Variants in SRPK2 observed in about 807,000 individuals in gnomAD.
SRPK2 encodes the protein SRSF protein kinase 2, also known as SFRS protein kinase 2.
A neutral mutation model predicts 90.8 loss-of-function variants in SRPK2; 21 were observed. That is an observed-to-expected ratio of 0.23 (90% CI 0.16 to 0.33). The LOEUF is 0.33. Among genes scored for constraint, SRPK2 ranks in the 10% least tolerant of loss-of-function variants. SRPK2 has a pLI of 1.00. For synonymous variants in SRPK2, 288 were observed against 311.1 expected, an observed-to-expected ratio of 0.93 and a Z score of 0.78; for missense variants, 620 against 869.0, an observed-to-expected ratio of 0.71 and a Z score of 3.60.
At chr7:105,291,174 G>A (rs989090930) in intron 2 of SRPK2, among the ~76,000 whole-genome samples, 8 of 152,080 alleles carry the variant, frequency 5.3e-5, no homozygotes, top group African/African-American at 1.4e-4. Context: ...GACTTAAGTC[G>A]GTACTGGTAA....
intron 2 of SRPK2, among the ~76,000 whole-genome samples, chr7:105,340,262 T>C (rs747351844): frequency 2.1e-5 from 2 of 95,696 alleles, no homozygotes; most frequent in African/African-American, 6.3e-5. Context: ...ATACAATGAC[T>C]ATTTCAAGAA....
chr7:105,388,083 G>C (rs1156805239), intron 2 of SRPK2, among the ~76,000 whole-genome samples: 1 of 152,182 alleles, frequency 6.6e-6, no homozygotes, highest in Non-Finnish European at 1.5e-5. Flanking sequence ...CTCGCGCCAG[G>C]AACACGCCCG....
intron 3 of SRPK2, among the ~76,000 whole-genome samples, chr7:105,173,019 TAAC>T (rs1791352170): frequency 1.3e-5 from 2 of 152,294 alleles, no homozygotes; most frequent in South Asian, 2.1e-4. Context: ...CTTTGAAAGC[TAAC>T]AACAACAAAA....
At chr7:105,359,093 G>A (rs1818130831) in intron 2 of SRPK2, among the ~76,000 whole-genome samples, 1 of 150,124 alleles carries the variant, frequency 6.7e-6, no homozygotes, top group African/African-American at 2.4e-5. Context: ...CAACACTGGG[G>A]TATCAAATTT....
intron 2 of SRPK2, among the ~76,000 whole-genome samples, chr7:105,317,702 TAAAG>T (rs1359381799): frequency 6.6e-6 from 1 of 152,230 alleles, no homozygotes; most frequent in East Asian, 1.9e-4. Context: ...AGCCAGACAT[TAAAG>T]AAATTTTCAA....
chr7:105,344,750 C>G (rs1816255439), intron 2 of SRPK2, among the ~76,000 whole-genome samples: 2 of 142,612 alleles, frequency 1.4e-5, no homozygotes, highest in African/African-American at 5.2e-5. Context: ...CCACAATTAA[C>G]TTTATTTGCA....
intron 2 of SRPK2, among the ~76,000 whole-genome samples, chr7:105,289,609 T>C (rs1808679066): frequency 6.6e-6 from 1 of 152,198 alleles, no homozygotes; most frequent in African/African-American, 2.4e-5. Context: ...ATATAAATTA[T>C]TCACACTAAT....
intron 2 of SRPK2, among the ~76,000 whole-genome samples, chr7:105,270,396 C>G (rs1805670668): frequency 7.2e-6 from 1 of 139,574 alleles, no homozygotes; most frequent in African/African-American, 2.6e-5. Context: ...GATTTAGGAA[C>G]AGCCTCCTCT....
At chr7:105,245,070 CACA>C in intron 2 of SRPK2, 2 of 595,502 alleles carry the variant, frequency 3.4e-6, no homozygotes, top group East Asian at 6.4e-5. Flanking sequence ...CACACACACA[CACA>C]CCTCTTTTTC....
At chr7:105,254,127 T>G (rs1262829159) in intron 2 of SRPK2, among the ~76,000 whole-genome samples, 1 of 152,276 alleles carries the variant, frequency 6.6e-6, no homozygotes, top group Non-Finnish European at 1.5e-5. Context: ...AAGAATCTAT[T>G]GATGAATCTT....
chr7:105,159,795 A>G (rs944268922), intron 7 of SRPK2, among the ~76,000 whole-genome samples: 7 of 152,246 alleles, frequency 4.6e-5, no homozygotes, highest in Admixed American at 2.0e-4. Flanking sequence ...AGTAATTTCT[A>G]TATGAGTTAA....
chr7:105,227,383 T>C (rs534340310), intron 2 of SRPK2, among the ~76,000 whole-genome samples: 2 of 152,304 alleles, frequency 1.3e-5, no homozygotes, highest in African/African-American at 2.4e-5. Context: ...ATCATTCTTA[T>C]GTCTTTGTGA....
At position 105,378,536 on chromosome 7, in the gene SRPK2, G is replaced by A. The variant is rs565297604; in HGVS notation, c.71+10112C>T. Among the ~76,000 whole-genome samples the A allele has an allele frequency of 3.9e-5, 6 of 152,084 alleles. No individual in the cohort carries two copies. In the South Asian group the frequency reaches 1.2e-3, roughly 32 times the overall value. ...TCCCAGCACTTTGGGAGGCCGAGGT[G>A]GGCAGATCACGAAGTCAAGAGATCA... On this transcript the variant is annotated intron_variant, in intron 2 of 15. Transcript: ENST00000393651.
chr7:105,378,318 C>T (rs976839204), intron 2 of SRPK2, among the ~76,000 whole-genome samples: 1 of 152,130 alleles, frequency 6.6e-6, no homozygotes, highest in Non-Finnish European at 1.5e-5. Context: ...ATAACTTATA[C>T]ATACATCCGA....
At chr7:105,329,200 A>T (rs1454184434) in intron 2 of SRPK2, among the ~76,000 whole-genome samples, 2 of 152,084 alleles carry the variant, frequency 1.3e-5, no homozygotes, top group East Asian at 3.8e-4. Context: ...ACTGCCTATT[A>T]GTCATCTAAT....
chr7:105,372,462 G>A (rs1158112786), intron 2 of SRPK2, among the ~76,000 whole-genome samples: 1 of 152,118 alleles, frequency 6.6e-6, no homozygotes, highest in Admixed American at 6.6e-5. Flanking sequence ...AATTAGGGCT[G>A]CCTTATACTG....
intron 14 of SRPK2, 136 bp downstream of exon 14, chr7:105,126,856 CA>C: frequency 1.2e-6 from 1 of 861,462 alleles, no homozygotes; most frequent in Non-Finnish European, 1.8e-6. Context: ...GCATCAAACT[CA>C]AAGGAAAAGC....
rs60712290 is a variant in SRPK2, at chr7:105,352,917, G to A, written c.71+35731C>T. On this transcript the variant is annotated intron_variant, in intron 2 of 15. Transcript: ENST00000393651. ...TCTATCTCAAAAGAAAAAAAAAAAA[G>A]CTCTTGGCTAGTCATCAGAATTACA... is the stretch of plus-strand genomic sequence containing the variant. 4.7e-3 allele frequency among the ~76,000 whole-genome samples: 710 copies of A among 151,466 alleles called. 10 individuals are homozygous for A. In the East Asian group the frequency reaches 0.055, roughly 12 times the overall value.
rs1321540271 is a variant in SRPK2, at chr7:105,117,563, A to G, written c.*275T>C. ...TTTTCATTCAAAAAAATGACATTTG[A>G]ATGTCACACAACACAAGAAACAATG... On this transcript the variant is annotated 3_prime_UTR_variant, in exon 16 of 16. Transcript: ENST00000393651. The G allele has an allele frequency of 2.6e-6, 1 of 390,364 alleles. No individual in the cohort carries two copies. Among genetic ancestry groups the G allele is most frequent in the Non-Finnish European group, 4.6e-6 (1 of 219,764 alleles). 24.2% of individuals were successfully genotyped at this position (390,364 alleles called of 1,614,324 possible).
Sources: gnomAD v4.1 joint callset for allele counts (sites outside exome capture counted in the v4.1 genomes callset) on GRCh38, gnomAD v4.1.1 for gene constraint, MANE v1.5 for transcripts, NCBI Gene and HGNC (gene_info 2026-07-23, HGNC 2026-07-21) for gene names.